Variants in ECPAS observed in about 807,000 individuals in gnomAD.
The protein encoded by ECPAS is proteasome adapter and scaffold protein ECM29.
Under a neutral mutation model 255.1 loss-of-function variants are expected in ECPAS, and 70 were observed. That is an observed-to-expected ratio of 0.27 (90% CI 0.23 to 0.33). ECPAS has a LOEUF of 0.33. Among genes scored for constraint, ECPAS ranks in the 10% least tolerant of loss-of-function variants. ECPAS has a pLI of 1.00. For synonymous variants in ECPAS, 784 were observed against 775.0 expected, an observed-to-expected ratio of 1.01 and a Z score of -0.19; for missense variants, 1,817 against 2,206.4, an observed-to-expected ratio of 0.82 and a Z score of 3.54.
At chr9:111,423,334 C>T in intron 12 of ECPAS, 86 bp from the exon 13 acceptor site, 1 of 903,164 alleles carries the variant, frequency 1.1e-6, no homozygotes, top group Non-Finnish European at 1.7e-6. Flanking sequence ...AACCTTTTCG[C>T]TGCAATTACA....
chr9:111,428,532 G>A (rs868205274), intron 9 of ECPAS, among the ~76,000 whole-genome samples: 11 of 152,050 alleles, frequency 7.2e-5, no homozygotes, highest in African/African-American at 2.7e-4. Flanking sequence ...CTTACTACAA[G>A]AGAAATGAAT....
At chr9:111,378,896 T>G (rs2098136901) in intron 35 of ECPAS, among the ~76,000 whole-genome samples, 166 bp from the exon 36 acceptor site, 1 of 152,180 alleles carries the variant, frequency 6.6e-6, no homozygotes, top group African/African-American at 2.4e-5. Flanking sequence ...TAAAGAAACC[T>G]TGAAGCATAT....
intron 45 of ECPAS, among the ~76,000 whole-genome samples, chr9:111,369,817 C>A (rs1002746376): frequency 7.2e-5 from 11 of 151,884 alleles, no homozygotes; most frequent in Non-Finnish European, 1.3e-4. Context: ...TTTTTTTGAC[C>A]CAAATCCTCC....
At chr9:111,475,081 T>C (rs947483689) in intron 1 of ECPAS, among the ~76,000 whole-genome samples, 2 of 152,254 alleles carry the variant, frequency 1.3e-5, no homozygotes, top group Non-Finnish European at 2.9e-5. Context: ...TCCAAAGAAC[T>C]GTGTTAGGCA....
At chr9:111,394,093 T>TA in intron 26 of ECPAS, 67 bp downstream of exon 26, 1 of 1,446,692 alleles carries the variant, frequency 6.9e-7, no homozygotes, top group Non-Finnish European at 9.2e-7. Context: ...TTCACCCTCA[T>TA]ATGCTTTCCT....
At position 111,375,201 on chromosome 9, in the gene ECPAS, C is replaced by T. The variant is rs765939199; in HGVS notation, c.4022G>A (p.Cys1341Tyr). 6.2e-7 allele frequency: 1 copy of T among 1,613,136 alleles called. No individual in the cohort carries two copies. Among genetic ancestry groups the T allele is most frequent in the Non-Finnish European group, 8.5e-7 (1 of 1,179,300 alleles). The change falls in exon 38 of 50, where the codon TGC becomes TAC. Residue 1341 changes from cysteine to tyrosine, a missense_variant and splice_region_variant. Cys to Tyr is a radical substitution (Grantham distance 194). Coordinates refer to ENST00000684092, the MANE Select transcript of ECPAS (RefSeq NM_001364929.1). ...CACTGACACATCAAGGTATTGCAGG[C>T]ACTTTTGAAAAAGGACAAATATAAA... ...SSPMMETINM[C>Y]LQYLDVSVLG...
In ECPAS at chr9:111,410,174, G is replaced by A. The variant is rs1469150020; in HGVS notation, c.2417C>T (p.Ala806Val). 6.2e-7 allele frequency: 1 copy of A among 1,613,210 alleles called. No homozygotes were observed. Among genetic ancestry groups the A allele is most frequent in the Non-Finnish European group, 8.5e-7 (1 of 1,179,648 alleles). Residue 806 changes from alanine to valine, a missense_variant, in exon 23 of 50, where the codon GCT (alanine) becomes GTT (valine). By Grantham distance (64) the Ala-to-Val change is moderately conservative (BLOSUM62 0). Around this residue, in one of 4 missense-constraint regions of ECPAS, gnomAD observed 194 missense variants for 152.8 expected, o/e 1.27. Transcript: ENST00000684092. ...LDSTSPLLAIAACTALGEIGR... is the reference protein window; with the variant it reads ...LDSTSPLLAIVACTALGEIGR... ...AATTTCACCCAGGGCTGTGCAGGCA[G>A]CAATTGCCAGGAGGGGTGATGTACT...
At position 111,427,105 on chromosome 9, in the gene ECPAS, G is replaced by A. The variant is rs922027241; in HGVS notation, c.1050+937C>T. 2.0e-5 allele frequency among the ~76,000 whole-genome samples: 3 copies of A among 149,628 alleles called. No individual in the cohort carries two copies. The Admixed American group carries it at 2.0e-4, about 10-fold the overall frequency. On this transcript the variant is annotated intron_variant, in intron 10 of 49. Transcript: ENST00000684092. ...AGCCTGGGAGGTAGAGGCTGAGTGAGACAAGATTGTGCCACTGCACTCCAG... is the reference window on the plus strand; with the variant it reads ...AGCCTGGGAGGTAGAGGCTGAGTGAAACAAGATTGTGCCACTGCACTCCAG...
intron 7 of ECPAS, among the ~76,000 whole-genome samples, chr9:111,434,987 C>A (rs1158049963): frequency 6.6e-6 from 1 of 151,402 alleles, no homozygotes; most frequent in Non-Finnish European, 1.5e-5. Flanking sequence ...CAACCCCCAC[C>A]TCCTGGGTTC....
At chr9:111,483,914 C>A in intron 1 of ECPAS, 1 of 692,846 alleles carries the variant, frequency 1.4e-6, no homozygotes, top group Non-Finnish European at 1.8e-6. Flanking sequence ...GAGCCATCCT[C>A]CCAGCGGCCC....
chr9:111,466,644 C>CAA (rs1480196583), intron 2 of ECPAS, among the ~76,000 whole-genome samples: 2 of 151,590 alleles, frequency 1.3e-5, no homozygotes, highest in African/African-American at 2.4e-5. Flanking sequence ...CACACACACA[C>CAA]ACACACACAC....
chr9:111,415,734 AC>A (rs1372623600), intron 18 of ECPAS, among the ~76,000 whole-genome samples: 1 of 151,898 alleles, frequency 6.6e-6, no homozygotes, highest in South Asian at 2.1e-4. Flanking sequence ...AACAAAAAAA[AC>A]AACCCTTACA....
chr9:111,386,333 A>C (rs778106283), intron 32 of ECPAS, 44 bp downstream of exon 32: 3 of 1,245,962 alleles, frequency 2.4e-6, no homozygotes, highest in South Asian at 2.6e-5. Flanking sequence ...AAGGGAAAAA[A>C]ATTCAGTTTT....
chr9:111,383,171 G>A (rs933048187), intron 35 of ECPAS, 40 bp downstream of exon 35: 6 of 1,605,042 alleles, frequency 3.7e-6, no homozygotes, highest in East Asian at 4.5e-5. Flanking sequence ...TCTAGGAACT[G>A]AGCAAATCCA....
At chr9:111,449,003 G>C (rs149608832) in intron 3 of ECPAS, among the ~76,000 whole-genome samples, 4 of 152,066 alleles carry the variant, frequency 2.6e-5, no homozygotes, top group African/African-American at 9.6e-5. Flanking sequence ...AAGTTCAAAA[G>C]CCCTGGGTTC....
At chr9:111,461,546 A>G (rs2098273178) in intron 2 of ECPAS, among the ~76,000 whole-genome samples, 1 of 152,190 alleles carries the variant, frequency 6.6e-6, no homozygotes, top group South Asian at 2.1e-4. Flanking sequence ...CACTTGAACA[A>G]AATAGAAAAT....
chr9:111,402,676 G>A (rs1020244986), intron 24 of ECPAS, among the ~76,000 whole-genome samples: 3 of 152,066 alleles, frequency 2.0e-5, no homozygotes, highest in Admixed American at 6.6e-5. Flanking sequence ...CCAAAAAATG[G>A]GGGTACTGGA....
chr9:111,364,314 C>T (rs989580393), intron 48 of ECPAS, among the ~76,000 whole-genome samples: 1 of 152,124 alleles, frequency 6.6e-6, no homozygotes, highest in African/African-American at 2.4e-5. Context: ...CAAAGAGTGA[C>T]GGTGACCTGT....
intron 3 of ECPAS, among the ~76,000 whole-genome samples, chr9:111,448,949 A>G (rs770110424): frequency 6.6e-6 from 1 of 152,200 alleles, no homozygotes; most frequent in Non-Finnish European, 1.5e-5. Flanking sequence ...CATACTATAA[A>G]TAAAGAATAA....
Sources: allele counts gnomAD v4.1 joint callset (sites outside exome capture counted in the v4.1 genomes callset), GRCh38; gene constraint gnomAD v4.1.1; regional missense constraint gnomAD v4.1.1; transcripts MANE v1.5; gene names NCBI Gene and HGNC (gene_info 2026-07-23, HGNC 2026-07-21).